Variants in LRCH3 observed in about 807,000 individuals in gnomAD.
LRCH3 encodes leucine rich repeats and calponin homology domain containing 3.
In LRCH3, 68 loss-of-function variants were observed where a neutral mutation model predicts 104.5. The observed-to-expected ratio is 0.65, with a 90% CI of 0.54 to 0.80. The LOEUF (loss-of-function observed/expected upper bound fraction) is 0.80, where lower values mean the gene tolerates loss of function less well. Ranked by LOEUF, LRCH3 falls within the 30% of genes least tolerant of loss-of-function variation. The probability of loss-of-function intolerance (pLI) is 0.00; values close to 1 mark genes in which losing one functional copy is unlikely to be tolerated. For missense variants in LRCH3, 951 were observed against 953.9 expected, an observed-to-expected ratio of 1.00 and a Z score of 0.04; for synonymous variants, 344 against 361.3, an observed-to-expected ratio of 0.95 and a Z score of 0.54.
intron 1 of LRCH3, among the ~76,000 whole-genome samples, chr3:197,806,602 G>A (rs1024060206): frequency 4.6e-5 from 7 of 151,842 alleles, no homozygotes; most frequent in African/African-American, 1.5e-4. Context: ...AGGAATGCCG[G>A]ACATGGTGGC....
rs947506650 is a variant in LRCH3 at position 197,879,969 on chromosome 3, G to A, written c.2209-3572G>A. Among the ~76,000 whole-genome samples, 111 of 147,292 alleles carry A rather than the reference G, an allele frequency of 7.5e-4. 2 individuals carry two copies. In the East Asian group the frequency reaches 9.5e-3, roughly 13 times the overall value. ...TGTATTTTTTTTTTTTTTTTGAGAC[G>A]GAGTCTCGCTCTGTCACCCAGGCTG... is the stretch of plus-strand genomic sequence containing the variant. On this transcript the variant is annotated intron_variant, in intron 20 of 20. Transcript: ENST00000425562.
intron 4 of LRCH3, among the ~76,000 whole-genome samples, chr3:197,825,929 C>T (rs1330245822): frequency 6.6e-6 from 1 of 151,900 alleles, no homozygotes; most frequent in Non-Finnish European, 1.5e-5. Flanking sequence ...AAAAATATTC[C>T]TTTTATGTTT....
At chr3:197,881,414 C>T (rs760039442) in intron 20 of LRCH3, 7 of 985,500 alleles carry the variant, frequency 7.1e-6, no homozygotes, top group East Asian at 2.3e-4. Flanking sequence ...GTGCTGCACA[C>T]GAGCAGATGG....
chr3:197,792,578 TA>T lies in LRCH3; in HGVS notation c.262+1039del, dbSNP rs1560511112. On this transcript the variant is annotated intron_variant, in intron 1 of 20. Coordinates refer to ENST00000425562, the MANE Select transcript of LRCH3 (RefSeq NM_001365715.1). ...AGCCGCCACCACGCCCAGCTAATTTTATATATATATATATATATATATATAT... is the reference window on the plus strand; with the variant it reads ...AGCCGCCACCACGCCCAGCTAATTTTTATATATATATATATATATATATAT... Among the ~76,000 whole-genome samples, 207 of 23,862 alleles carry T rather than the reference TA, an allele frequency of 8.7e-3. 12 individuals are homozygous for T. The highest frequency in any genetic ancestry group is 0.042 in the African/African-American group (201 of 4,802). The allele number at this position is 23,862 out of a possible 152,430, so 15.7% of individuals were successfully genotyped here. A position where few individuals can be genotyped will look rare whatever the true frequency, so the allele number is the denominator to read the frequency against.
rs148113317 is a variant in LRCH3 at position 197,853,031 on chromosome 3, T to C, written c.1590+411T>C. On this transcript the variant is annotated intron_variant, in intron 13 of 20. Transcript: ENST00000425562. The stretch of plus-strand genomic sequence containing the variant: ...ACACTTATTTTATAATATCAAATAG[T>C]ACATTTTTCTTACAGATTAACAGAA... 2.8e-4 allele frequency among the ~76,000 whole-genome samples: 43 copies of C among 152,338 alleles called. No homozygotes were observed. In the East Asian group the frequency reaches 7.7e-3, roughly 27 times the overall value.
chr3:197,825,186 G>A (rs1735009748), intron 4 of LRCH3, among the ~76,000 whole-genome samples: 1 of 151,910 alleles, frequency 6.6e-6, no homozygotes, highest in Admixed American at 6.6e-5. Flanking sequence ...AGTATTTTGT[G>A]ACCAGCTTTT....
At position 197,870,180 on chromosome 3, in the gene LRCH3, C is replaced by A. The variant is rs774188178; in HGVS notation, c.1894C>A (p.Pro632Thr). 4 of 1,612,820 alleles carry A rather than the reference C, an allele frequency of 2.5e-6. No individual in the cohort carries two copies. The highest frequency in any genetic ancestry group is 3.4e-6 in the Non-Finnish European group (4 of 1,179,032). Residue 632 changes from proline to threonine, a missense_variant, in exon 18 of 21, where the codon CCA (proline) becomes ACA (threonine). Coordinates refer to ENST00000425562, the MANE Select transcript of LRCH3 (RefSeq NM_001365715.1). ...TNKGHASPLP[P>T]SAAPTTDSTD... is the part of the protein sequence containing the mutation. ...TATAGGTCATGCTTCACCCCTTCCT[C>A]CATCTGCTGCACCTACCACTGATTC...
chr3:197,816,437 C>T (rs1468974022), intron 2 of LRCH3, among the ~76,000 whole-genome samples: 6 of 152,060 alleles, frequency 3.9e-5, no homozygotes, highest in African/African-American at 9.7e-5. Context: ...CATGCCTCCA[C>T]GCCCGGCTAA....
At chr3:197,801,501 G>C (rs1046693245) in intron 1 of LRCH3, among the ~76,000 whole-genome samples, 3 of 152,112 alleles carry the variant, frequency 2.0e-5, no homozygotes, top group African/African-American at 7.2e-5. Context: ...TTTTGTTGAG[G>C]CTAACTTCTT....
rs1733896960 is a variant in LRCH3 at position 197,817,169 on chromosome 3, CA to C, written c.408-6del. ...TGATTCTTCTCTCTTTCTACTTACCCATTTAGTCGGAACCAACTGTCAACAT... is the reference window on the plus strand; with the variant it reads ...TGATTCTTCTCTCTTTCTACTTACCCTTTAGTCGGAACCAACTGTCAACAT... On this transcript the variant is annotated splice_polypyrimidine_tract_variant and splice_region_variant and intron_variant, in intron 2 of 20. Transcript: ENST00000425562. 1.3e-6 allele frequency: 2 copies of C among 1,587,706 alleles called. No homozygotes were observed. Among genetic ancestry groups the C allele is most frequent in the African/African-American group, 2.7e-5 (2 of 73,140 alleles).
At chr3:197,880,794 A>G (rs905734252) in intron 20 of LRCH3, 24 of 1,526,496 alleles carry the variant, frequency 1.6e-5, no homozygotes, top group Admixed American at 4.0e-5. Context: ...AATTATTTAC[A>G]TAAGTGCTTT....
At chr3:197,870,362 T>C in intron 18 of LRCH3, 84 bp downstream of exon 18, 4 of 1,315,842 alleles carry the variant, frequency 3.0e-6, no homozygotes, top group Non-Finnish European at 4.2e-6. Context: ...ATTTGACACA[T>C]CATTTTTATT....
chr3:197,836,803 G>A (rs1276081446), intron 9 of LRCH3, among the ~76,000 whole-genome samples: 2 of 151,938 alleles, frequency 1.3e-5, no homozygotes, highest in African/African-American at 2.4e-5. Flanking sequence ...TCAGCCTCCC[G>A]AGTAGCTGGG....
intron 12 of LRCH3, chr3:197,850,351 C>CTTTTTTT (rs199876882): frequency 4.4e-5 from 27 of 619,504 alleles, no homozygotes; most frequent in Admixed American, 6.0e-5. Flanking sequence ...ACCATTTTTT[C>CTTTTTTT]TTTTTTTTTT....
intron 7 of LRCH3, 162 bp downstream of exon 7, chr3:197,831,025 C>T (rs778706098): frequency 1.8e-6 from 1 of 568,890 alleles, no homozygotes. Flanking sequence ...AATTGGCATT[C>T]TGCGTCCTTA....
chr3:197,822,264 G>A (rs1181526964), intron 4 of LRCH3, among the ~76,000 whole-genome samples: 1 of 152,052 alleles, frequency 6.6e-6, no homozygotes, highest in Non-Finnish European at 1.5e-5. Flanking sequence ...ACCAACTCAG[G>A]AATGTAAATG....
chr3:197,831,314 T>G (rs566527684), intron 7 of LRCH3: 1 of 153,286 alleles, frequency 6.5e-6, no homozygotes, highest in African/African-American at 2.4e-5. Context: ...ATTATTGATA[T>G]TATGTTTTCT....
At position 197,879,601 on chromosome 3, in the gene LRCH3, A is replaced by C. The variant is rs928243108; in HGVS notation, c.2208+3826A>C. On this transcript the variant is annotated intron_variant, in intron 20 of 20. Coordinates refer to ENST00000425562, the MANE Select transcript of LRCH3 (RefSeq NM_001365715.1). ...GCGGAGCTTGCAGTGAGCCGAGATC[A>C]GCGAGACTCCGTCTCAAAAAAAATA... Among the ~76,000 whole-genome samples, 3 of 152,152 alleles carry C rather than the reference A, an allele frequency of 2.0e-5. No individual in the cohort carries two copies. In the South Asian group the frequency reaches 6.2e-4, roughly 32 times the overall value.
At chr3:197,867,635 C>T (rs1248270823) in intron 17 of LRCH3, among the ~76,000 whole-genome samples, 4 of 151,000 alleles carry the variant, frequency 2.6e-5, no homozygotes, top group Admixed American at 6.6e-5. Context: ...GGGCAGATCA[C>T]GAGGTCAGGA....
Sources: gnomAD v4.1 joint callset for allele counts (sites outside exome capture counted in the v4.1 genomes callset) on GRCh38, gnomAD v4.1.1 for gene constraint, MANE v1.5 for transcripts, NCBI Gene and HGNC (gene_info 2026-07-23, HGNC 2026-07-21) for gene names.